The following AP1M1 variants were observed in gnomAD, a reference collection of about 807,000 sequenced individuals.
AP1M1 encodes the protein AP-1 complex subunit mu-1.
Under a neutral mutation model 57.1 loss-of-function variants are expected in AP1M1, and 18 were observed. The observed-to-expected ratio is 0.32, with a 90% confidence interval of 0.22 to 0.47. The LOEUF (loss-of-function observed/expected upper bound fraction) is 0.47. AP1M1 is among the 20% of genes least tolerant of loss of function. AP1M1 has a pLI of 1.00. For synonymous variants in AP1M1, 241 were observed against 237.9 expected, an observed-to-expected ratio of 1.01 and a Z score of -0.12; for missense variants, 362 against 593.5, an observed-to-expected ratio of 0.61 and a Z score of 4.05.
rs898692698 is a variant in AP1M1, at chr19:16,245,650, T to C, written c.*11215T>C. Reference sequence around the variant, plus strand: ...GAGTTGGAATTTTTAAAATTCAGTTTGACAAAATGACTTTTAGCTGGAGCA... The same window carrying C: ...GAGTTGGAATTTTTAAAATTCAGTTCGACAAAATGACTTTTAGCTGGAGCA... On this transcript the variant is annotated 3_prime_UTR_variant, in exon 12 of 12. Transcript: ENST00000291439. The C allele has an allele frequency of 6.6e-6, 1 of 152,232 alleles. No individual in the cohort carries two copies. Among genetic ancestry groups the C allele is most frequent in the Non-Finnish European group, 1.5e-5 (1 of 68,044 alleles). 9.4% of individuals were successfully genotyped at this position (152,232 alleles called of 1,614,324 possible).
Position 16,245,895 on chromosome 19 carries a change from A to T in AP1M1, c.*11460A>T, listed in dbSNP as rs941750340. The T allele has an allele frequency of 3.3e-4, 50 of 152,344 alleles. No individual in the cohort carries two copies. Among genetic ancestry groups the T allele is most frequent in the African/African-American group, 1.2e-3 (49 of 41,576 alleles). The allele number at this position is 152,344 out of a possible 1,614,324, so 9.4% of individuals were successfully genotyped here. On this transcript the variant is annotated 3_prime_UTR_variant, in exon 12 of 12. Transcript: ENST00000291439. ...GGGGGCTAAAATAAATAAATAATTT[A>T]AAAAATAAAAATAAAGTCATTGTTT...
intron 9 of AP1M1, among the ~76,000 whole-genome samples, chr19:16,229,610 G>A (rs1568355413): frequency 6.6e-6 from 1 of 152,174 alleles, no homozygotes; most frequent in Non-Finnish European, 1.5e-5. Context: ...GGGGGACTTG[G>A]GGACAGCCCC....
At chr19:16,199,228 C>T (rs2091437500) in intron 1 of AP1M1, among the ~76,000 whole-genome samples, 1 of 152,138 alleles carries the variant, frequency 6.6e-6, no homozygotes, top group Non-Finnish European at 1.5e-5. Context: ...TACAGACAGT[C>T]AGCCTCAGCC....
chr19:16,228,247 G>A lies in AP1M1; in HGVS notation c.888+39G>A. ...GGCCACCCACTGAGGGCCTTCTGGT[G>A]TCTCTGGCCCGTCCCAGGAGCCTAA... On this transcript the variant is annotated intron_variant, in intron 8 of 11. Coordinates refer to ENST00000291439, the MANE Select transcript of AP1M1 (RefSeq NM_032493.4). The surrounding 1 kb of genome is among the most constrained non-coding windows in gnomAD (Gnocchi z 5.0). The A allele has an allele frequency of 1.2e-6, 2 of 1,605,014 alleles. No homozygotes were observed. Among genetic ancestry groups the A allele is most frequent in the South Asian group, 1.1e-5 (1 of 90,856 alleles).
At chr19:16,216,701 C>T (rs1390222153) in intron 5 of AP1M1, among the ~76,000 whole-genome samples, 1 of 152,118 alleles carries the variant, frequency 6.6e-6, no homozygotes, top group East Asian at 1.9e-4. Flanking sequence ...TTTAGGGGAC[C>T]AAGGCTCAGC....
chr19:16,225,256 C>A (rs2091566278), intron 5 of AP1M1, among the ~76,000 whole-genome samples: 1 of 152,246 alleles, frequency 6.6e-6, no homozygotes, highest in South Asian at 2.1e-4. Flanking sequence ...GACTCTCCTG[C>A]CACTCTGCAG....
intron 9 of AP1M1, among the ~76,000 whole-genome samples, chr19:16,232,674 T>C (rs2091604095): frequency 6.6e-6 from 1 of 152,166 alleles, no homozygotes; most frequent in African/African-American, 2.4e-5. Context: ...CTGCCCCAGG[T>C]GCACGGGGAC....
chr19:16,225,258 A>G (rs540737683), intron 5 of AP1M1, among the ~76,000 whole-genome samples: 1 of 152,130 alleles, frequency 6.6e-6, no homozygotes, highest in Non-Finnish European at 1.5e-5. Flanking sequence ...CTCTCCTGCC[A>G]CTCTGCAGAC....
Position 16,234,546 on chromosome 19 carries a change from C to T in AP1M1, c.*111C>T. ...GCCCTCCCTGGTCTCTGGCCACCCTCCCAGCCTCTGCCCAGGGACCCCTGC... is the reference window on the plus strand; with the variant it reads ...GCCCTCCCTGGTCTCTGGCCACCCTTCCAGCCTCTGCCCAGGGACCCCTGC... On this transcript the variant is annotated 3_prime_UTR_variant, in exon 12 of 12. Coordinates refer to ENST00000291439, the MANE Select transcript of AP1M1 (RefSeq NM_032493.4). 2 of 1,417,114 alleles carry T rather than the reference C, an allele frequency of 1.4e-6. No individual in the cohort carries two copies. The highest frequency in any genetic ancestry group is 2.0e-6 in the Non-Finnish European group (2 of 1,024,874). 87.8% of individuals were successfully genotyped at this position (1,417,114 alleles called of 1,614,324 possible). A position where few individuals can be genotyped will look rare whatever the true frequency, so the allele number is the denominator to read the frequency against.
chr19:16,207,707 A>G lies in AP1M1; in HGVS notation c.268-312A>G, dbSNP rs2091475095. Among the ~76,000 whole-genome samples, 1 of 152,040 alleles carries G rather than the reference A, an allele frequency of 6.6e-6. No homozygotes were observed. The highest frequency in any genetic ancestry group is 1.5e-5 in the Non-Finnish European group (1 of 67,982). On this transcript the variant is annotated intron_variant, in intron 3 of 11. Coordinates refer to ENST00000291439, the MANE Select transcript of AP1M1 (RefSeq NM_032493.4). This position sits in a 1 kb window ranked among gnomAD's most constrained non-coding sequence, Gnocchi z 4.2. ...TGAGTCACTCCAGACTCAGAAAGGG[A>G]TGACAGTTACAGTCGCTCAGGAGGG... is the stretch of plus-strand genomic sequence containing the variant.
At position 16,245,876 on chromosome 19, in the gene AP1M1, T is replaced by C. The variant is rs566356443; in HGVS notation, c.*11441T>C. 6.6e-6 allele frequency: 1 copy of C among 152,280 alleles called. No homozygotes were observed. The highest frequency in any genetic ancestry group is 1.9e-4 in the East Asian group (1 of 5,192). 9.4% of individuals were successfully genotyped at this position (152,280 alleles called of 1,614,324 possible). On this transcript the variant is annotated 3_prime_UTR_variant, in exon 12 of 12. Transcript: ENST00000291439. ...GCTTATATTTAAAAAGGCAGGGGGC[T>C]AAAATAAATAAATAATTTAAAAAAT...
In AP1M1 at chr19:16,198,007, C is replaced by CGCCGCCACCGCCCTCGGCCGCTGCT. The variant is rs770124303; in HGVS notation, c.-19_-18insCCGCCACCGCCCTCGGCCGCTGCTG. 2 of 1,575,040 alleles carry CGCCGCCACCGCCCTCGGCCGCTGCT rather than the reference C, an allele frequency of 1.3e-6. No individual in the cohort carries two copies. Among genetic ancestry groups the CGCCGCCACCGCCCTCGGCCGCTGCT allele is most frequent in the African/African-American group, 1.4e-5 (1 of 71,716 alleles). Reference sequence around the variant, plus strand: ...CGCCGCCACCGCCCTCGGCCGCTGCCGAGGCCTCCTGCAGCCATCATGTCC... The same window carrying CGCCGCCACCGCCCTCGGCCGCTGCT: ...CGCCGCCACCGCCCTCGGCCGCTGCCGCCGCCACCGCCCTCGGCCGCTGCTGAGGCCTCCTGCAGCCATCATGTCC... On this transcript the variant is annotated 5_prime_UTR_variant, in exon 1 of 12. Transcript: ENST00000291439.
At chr19:16,217,952 A>G (rs2145127996) in intron 5 of AP1M1, among the ~76,000 whole-genome samples, 1 of 152,224 alleles carries the variant, frequency 6.6e-6, no homozygotes, top group East Asian at 1.9e-4. Context: ...TCCCCATAAG[A>G]CCCACCCCAC....
intron 9 of AP1M1, among the ~76,000 whole-genome samples, chr19:16,232,242 C>T (rs1242718517): frequency 6.6e-6 from 1 of 152,228 alleles, no homozygotes; most frequent in Non-Finnish European, 1.5e-5. Context: ...GCCTGTTCTT[C>T]CTACCCGGGG....
rs2091636351 is a variant in AP1M1, at chr19:16,239,237, C to CTTTTTTTTTT, written c.*4803_*4804insTTTTTTTTTT. ...CATGAGCCACCGCGCCCGGCCAGTT[C>CTTTTTTTTTT]TCTTTTTTTTTTTTTTTTTTTTTTT... On this transcript the variant is annotated 3_prime_UTR_variant, in exon 12 of 12. Coordinates refer to ENST00000291439, the MANE Select transcript of AP1M1 (RefSeq NM_032493.4). 1 of 79,240 alleles carries CTTTTTTTTTT rather than the reference C, an allele frequency of 1.3e-5. No individual in the cohort carries two copies. The highest frequency in any genetic ancestry group is 2.4e-5 in the Non-Finnish European group (1 of 42,354). 4.9% of individuals were successfully genotyped at this position (79,240 alleles called of 1,614,324 possible).
chr19:16,215,289 G>C (rs2091514657), intron 5 of AP1M1, among the ~76,000 whole-genome samples: 1 of 127,782 alleles, frequency 7.8e-6, no homozygotes, highest in African/African-American at 2.7e-5. Flanking sequence ...GGTGAAACCT[G>C]GTCTCTACTG....
At chr19:16,218,379 G>A (rs1293592275) in intron 5 of AP1M1, among the ~76,000 whole-genome samples, 1 of 152,214 alleles carries the variant, frequency 6.6e-6, no homozygotes, top group Non-Finnish European at 1.5e-5. Context: ...AGCTGGCCGT[G>A]GCAGTCGAGG....
chr19:16,219,398 G>GT (rs71178659), intron 5 of AP1M1, among the ~76,000 whole-genome samples: 433 of 21,498 alleles, frequency 0.02, 2 homozygotes, highest in Non-Finnish European at 0.029. Context: ...TTGTTTTTTT[G>GT]TTTTTTTTTT....
Position 16,222,755 on chromosome 19 carries a change from G to C in AP1M1, c.547-3666G>C, listed in dbSNP as rs188828814. Among the ~76,000 whole-genome samples, 72 of 151,870 alleles carry C rather than the reference G, an allele frequency of 4.7e-4. 1 individual carries two copies. In the East Asian group the frequency reaches 9.5e-3, roughly 20 times the overall value. ...GCTGAGTAGCTGAGACCACAGGCAC[G>C]CACCACCATGCCTGGCTAATTTTTT... On this transcript the variant is annotated intron_variant, in intron 5 of 11. Transcript: ENST00000291439.
Sources: gnomAD v4.1 joint callset for allele counts (sites outside exome capture counted in the v4.1 genomes callset) on GRCh38, gnomAD v4.1.1 for gene constraint, Gnocchi (gnomAD v3.1) non-coding constraint, MANE v1.5 for transcripts, NCBI Gene and HGNC (gene_info 2026-07-23, HGNC 2026-07-21) for gene names.